ABCC9: variants seen among roughly 807,000 people sequenced by gnomAD.
ABCC9 encodes the protein ATP-binding cassette sub-family C member 9.
In ABCC9, 95 loss-of-function variants were observed where a neutral mutation model predicts 188.3. That is an observed-to-expected ratio of 0.50 (90% CI 0.43 to 0.60). ABCC9 has a LOEUF of 0.60. ABCC9 is among the 20% of genes least tolerant of loss of function. The pLI, the probability that ABCC9 is intolerant of heterozygous loss-of-function variation, is 0.00. For synonymous variants in ABCC9, 659 were observed against 652.7 expected (o/e 1.01, Z -0.15); for missense variants, 1,102 against 1,876.3 (o/e 0.59, Z 7.62).
intron 5 of ABCC9, chr12:21,923,984 T>C: frequency 1.9e-6 from 1 of 536,872 alleles, no homozygotes; most frequent in Non-Finnish European, 3.3e-6. Flanking sequence ...AAATCATGCT[T>C]AGAAAAAGAA....
At chr12:21,809,821 A>G (rs1189795983) in intron 37 of ABCC9, 31 bp downstream of exon 37, 4 of 1,361,824 alleles carry the variant, frequency 2.9e-6, no homozygotes, top group Admixed American at 3.4e-5. Context: ...TGGCATATAT[A>G]AAAAATAAAT....
intron 5 of ABCC9, 35 bp from the exon 6 acceptor site, chr12:21,917,138 T>A: frequency 1.9e-6 from 3 of 1,605,128 alleles, no homozygotes; most frequent in Non-Finnish European, 2.6e-6. Context: ...AAAGATGCAA[T>A]CTTTTCTTAA....
chr12:21,846,014 T>C (rs1478776293), intron 25 of ABCC9, among the ~76,000 whole-genome samples, 182 bp from the exon 26 acceptor site: 2 of 152,186 alleles, frequency 1.3e-5, no homozygotes, highest in Non-Finnish European at 2.9e-5. Flanking sequence ...GAAAAATGAA[T>C]GAATGAATGA....
chr12:21,903,942 T>C (rs1947899317), intron 12 of ABCC9, among the ~76,000 whole-genome samples: 1 of 152,188 alleles, frequency 6.6e-6, no homozygotes, highest in African/African-American at 2.4e-5. Flanking sequence ...TTAAAGTTCA[T>C]ATGGAACCAA....
intron 36 of ABCC9, among the ~76,000 whole-genome samples, chr12:21,811,615 G>A (rs1286268810): frequency 1.3e-5 from 2 of 151,780 alleles, no homozygotes; most frequent in Non-Finnish European, 2.9e-5. Flanking sequence ...CCCTGAACCA[G>A]GTATGAAGAC....
chr12:21,937,282 C>G (rs561705617), intron 2 of ABCC9, among the ~76,000 whole-genome samples: 12 of 152,282 alleles, frequency 7.9e-5, no homozygotes, highest in Non-Finnish European at 1.8e-4. Flanking sequence ...AAACCTAACT[C>G]AAATGACAAG....
rs1944074194 is a variant in ABCC9, at chr12:21,836,181, T to TC, written c.3566+1896dup. On this transcript the variant is annotated intron_variant, in intron 30 of 39. Coordinates refer to ENST00000261200, the MANE Select transcript of ABCC9 (RefSeq NM_020297.4). ...GTCTCCTTGTCTCGGGCGTTAACCA[T>TC]CCCCAGTTCATAGTAGTATCCCAGA... Among the ~76,000 whole-genome samples the TC allele has an allele frequency of 2.0e-5, 3 of 152,276 alleles. No homozygotes were observed. The East Asian group carries it at 5.8e-4, about 29-fold the overall frequency.
chr12:21,927,201 T>C (rs1949076491), intron 4 of ABCC9, among the ~76,000 whole-genome samples: 1 of 152,232 alleles, frequency 6.6e-6, no homozygotes, highest in South Asian at 2.1e-4. Flanking sequence ...AAGTTTAAGA[T>C]AGAATGTATC....
intron 8 of ABCC9, among the ~76,000 whole-genome samples, chr12:21,911,794 G>A (rs1205462757): frequency 6.6e-6 from 1 of 151,960 alleles, no homozygotes; most frequent in East Asian, 1.9e-4. Context: ...AAGGGAGAAG[G>A]ATGATGGATA....
intron 10 of ABCC9, among the ~76,000 whole-genome samples, chr12:21,909,641 A>G (rs1948221081): frequency 6.6e-6 from 1 of 151,956 alleles, no homozygotes; most frequent in South Asian, 2.1e-4. Context: ...TATACTAACT[A>G]TTGAAACTAT....
At chr12:21,808,778 CAAAAAAAAAA>C (rs34314026) in intron 37 of ABCC9, among the ~76,000 whole-genome samples, 4 of 80,508 alleles carry the variant, frequency 5.0e-5, no homozygotes, top group Non-Finnish European at 7.4e-5. Flanking sequence ...GAACTTGTCT[CAAAAAAAAAA>C]AAAAAAAAAA....
intron 29 of ABCC9, among the ~76,000 whole-genome samples, 172 bp downstream of exon 29, chr12:21,842,142 G>C (rs1405888696): frequency 6.6e-6 from 1 of 152,164 alleles, no homozygotes; most frequent in Non-Finnish European, 1.5e-5. Context: ...CGCTTCATCA[G>C]TGTGTATTCA....
chr12:21,910,364 CTA>C (rs769897130), intron 9 of ABCC9, 52 bp from the exon 10 acceptor site: 1 of 1,476,770 alleles, frequency 6.8e-7, no homozygotes, highest in South Asian at 1.2e-5. Flanking sequence ...AAAATTGACA[CTA>C]TGATTATTTT....
At chr12:21,874,749 A>G (rs1163881690) in intron 17 of ABCC9, among the ~76,000 whole-genome samples, 1 of 152,210 alleles carries the variant, frequency 6.6e-6, no homozygotes, top group Admixed American at 6.5e-5. Flanking sequence ...GAAGGACACC[A>G]CAGTCACAGA....
At chr12:21,801,431 C>T (rs922678040) in intron 39 of ABCC9, among the ~76,000 whole-genome samples, 20 of 152,172 alleles carry the variant, frequency 1.3e-4, no homozygotes, top group African/African-American at 4.3e-4. Flanking sequence ...AATATATCAG[C>T]GTCATCATTT....
intron 29 of ABCC9, among the ~76,000 whole-genome samples, chr12:21,841,769 T>C (rs1454171106): frequency 6.6e-6 from 1 of 152,182 alleles, no homozygotes; most frequent in Non-Finnish European, 1.5e-5. Context: ...CATGTTAATA[T>C]ATGTCCAGGA....
chr12:21,904,135 A>G (rs1037856377), intron 12 of ABCC9, among the ~76,000 whole-genome samples: 3 of 151,138 alleles, frequency 2.0e-5, no homozygotes, highest in African/African-American at 7.3e-5. Flanking sequence ...CACATCTGCA[A>G]CCATCTGATC....
intron 7 of ABCC9, among the ~76,000 whole-genome samples, chr12:21,914,269 G>T (rs1420138546): frequency 6.6e-6 from 1 of 152,128 alleles, no homozygotes; most frequent in Admixed American, 6.6e-5. Context: ...AATGATATTT[G>T]TAGATGATGG....
Position 21,906,253 on chromosome 12 carries a change from T to C in ABCC9, c.1491A>G (p.Glu497=). 6.2e-7 allele frequency: 1 copy of C among 1,612,394 alleles called. No homozygotes were observed. Among genetic ancestry groups the C allele is most frequent in the Non-Finnish European group, 8.5e-7 (1 of 1,179,012 alleles). The change falls in exon 12 of 40, where the codon GAA becomes GAG. Residue 497 remains glutamate, a synonymous_variant. Transcript: ENST00000261200. ...YSTERLKKTN[E]ILKGIKLLKL... The stretch of plus-strand genomic sequence containing the variant: ...TTAGAAGTTTGATGCCTTTCAATAT[T>C]TCATTTGTTTTCTTGAGTCTCTCAG...
Sources: allele counts gnomAD v4.1 joint callset (sites outside exome capture counted in the v4.1 genomes callset), GRCh38; gene constraint gnomAD v4.1.1; transcripts MANE v1.5; gene names NCBI Gene and HGNC (gene_info 2026-07-23, HGNC 2026-07-21).